HIVEP3: variants seen among roughly 807,000 people sequenced by gnomAD.
HIVEP3 encodes the protein HIVEP zinc finger 3, also known as transcription factor HIVEP3.
HIVEP3 carries 49 observed loss-of-function variants against 152.8 expected under a neutral mutation model. That is an observed-to-expected ratio of 0.32 (90% CI 0.26 to 0.41). HIVEP3 has a LOEUF of 0.41. Among genes scored for constraint, HIVEP3 ranks in the 10% least tolerant of loss-of-function variants. The pLI, the probability that HIVEP3 is intolerant of heterozygous loss-of-function variation, is 1.00. For missense variants in HIVEP3, 2,790 were observed against 3,103.3 expected, an observed-to-expected ratio of 0.90 and a Z score of 2.40; for synonymous variants, 1,269 against 1,289.0, an observed-to-expected ratio of 0.98 and a Z score of 0.33.
intron 1 of HIVEP3, among the ~76,000 whole-genome samples, chr1:41,884,076 G>T (rs767186394): frequency 1.5e-4 from 23 of 152,010 alleles, no homozygotes; most frequent in Non-Finnish European, 4.4e-5. Flanking sequence ...GGTGATTCTC[G>T]TGCCTCAGCC....
intron 1 of HIVEP3, among the ~76,000 whole-genome samples, chr1:41,768,489 T>G (rs1274845537): frequency 6.6e-6 from 1 of 152,248 alleles, no homozygotes; most frequent in Non-Finnish European, 1.5e-5. Flanking sequence ...GGTAAGCTTC[T>G]TTTGGAGACC....
chr1:42,022,498 T>G (rs1484764277), intron 1 of HIVEP3, among the ~76,000 whole-genome samples: 1 of 152,196 alleles, frequency 6.6e-6, no homozygotes, highest in African/African-American at 2.4e-5. Context: ...ATAGCATTAT[T>G]TAAATGGTCC....
intron 5 of HIVEP3, among the ~76,000 whole-genome samples, chr1:41,537,413 G>T (rs1306500653): frequency 6.6e-6 from 1 of 152,196 alleles, no homozygotes; most frequent in Admixed American, 6.5e-5. Flanking sequence ...TGCACACACT[G>T]TTGCTCTGAG....
intron 1 of HIVEP3, among the ~76,000 whole-genome samples, chr1:41,834,190 T>C (rs1006586130): frequency 6.6e-6 from 1 of 152,184 alleles, no homozygotes; most frequent in Admixed American, 6.5e-5. Context: ...TATGAAGTCT[T>C]TGGGGACAGG....
chr1:41,677,762 C>A (rs144411717), intron 2 of HIVEP3, among the ~76,000 whole-genome samples: 1 of 152,226 alleles, frequency 6.6e-6, no homozygotes, highest in Non-Finnish European at 1.5e-5. Context: ...TTGGCTGATG[C>A]GTCTGCTTCC....
chr1:41,785,054 G>A (rs766764352), intron 1 of HIVEP3, among the ~76,000 whole-genome samples: 3 of 152,116 alleles, frequency 2.0e-5, no homozygotes, highest in Non-Finnish European at 2.9e-5. Context: ...CACAAGTCAC[G>A]GAAAATCTTC....
At chr1:41,801,823 A>T (rs1650325846) in intron 1 of HIVEP3, among the ~76,000 whole-genome samples, 1 of 152,188 alleles carries the variant, frequency 6.6e-6, no homozygotes, top group Non-Finnish European at 1.5e-5. Context: ...CACTGATGAG[A>T]GGAAATAATC....
chr1:41,545,785 C>CCACCACCAT (rs1346640457), intron 5 of HIVEP3, among the ~76,000 whole-genome samples: 1 of 146,406 alleles, frequency 6.8e-6, no homozygotes, highest in Non-Finnish European at 1.5e-5. Flanking sequence ...ACCACCACCA[C>CCACCACCAT]CACCACCATC....
At chr1:41,946,547 T>C (rs1032393396) in intron 1 of HIVEP3, among the ~76,000 whole-genome samples, 39 of 152,256 alleles carry the variant, frequency 2.6e-4, no homozygotes, top group African/African-American at 8.9e-4. Context: ...TTTCACATGC[T>C]TTTCTAATTA....
chr1:41,993,898 G>A (rs2124519071), intron 1 of HIVEP3, among the ~76,000 whole-genome samples: 1 of 151,034 alleles, frequency 6.6e-6, no homozygotes, highest in East Asian at 2.0e-4. Flanking sequence ...ACTATTGCAA[G>A]AACAAAAAAC....
intron 1 of HIVEP3, among the ~76,000 whole-genome samples, chr1:41,788,963 G>T (rs75676011): frequency 3.3e-5 from 5 of 152,154 alleles, no homozygotes; most frequent in Non-Finnish European, 7.3e-5. Flanking sequence ...TCCATGGAAC[G>T]TGAGAGCGAA....
intron 1 of HIVEP3, among the ~76,000 whole-genome samples, chr1:41,982,528 T>C (rs1454840532): frequency 6.6e-6 from 1 of 152,158 alleles, no homozygotes; most frequent in African/African-American, 2.4e-5. Context: ...CTTTCAGTTT[T>C]ATCTTGTATG....
At chr1:41,632,985 G>A (rs577157653) in intron 2 of HIVEP3, among the ~76,000 whole-genome samples, 2 of 152,148 alleles carry the variant, frequency 1.3e-5, no homozygotes, top group South Asian at 4.2e-4. Context: ...CTGCAGCCAG[G>A]GTGAGGGGTG....
In HIVEP3 at chr1:41,544,817, CTCT is replaced by C. The variant is rs778047186; in HGVS notation, c.5208-19910_5208-19908del. Reference sequence around the variant, plus strand: ...CTACCATCACCACCACCACTACCACCTCTACCACCACCATCACCACCACCACTA... The same window carrying C: ...CTACCATCACCACCACCACTACCACCACCACCACCATCACCACCACCACTA... On this transcript the variant is annotated intron_variant, in intron 5 of 8. Transcript: ENST00000372583. 2.9e-3 allele frequency among the ~76,000 whole-genome samples: 340 copies of C among 117,778 alleles called. 2 individuals are homozygous for C. The highest frequency in any genetic ancestry group is 5.0e-3 in the Middle Eastern group (1 of 200). The allele number at this position is 117,778 out of a possible 152,430, so 77.3% of individuals were successfully genotyped here.
In HIVEP3 at chr1:41,695,863, A is replaced by G. The variant is rs538938367; in HGVS notation, c.-721+5053T>C. 3.3e-5 allele frequency among the ~76,000 whole-genome samples: 5 copies of G among 152,374 alleles called. No homozygotes were observed. In the East Asian group the frequency reaches 7.7e-4, roughly 24 times the overall value. On this transcript the variant is annotated intron_variant, in intron 2 of 8. Coordinates refer to ENST00000372583, the MANE Select transcript of HIVEP3 (RefSeq NM_024503.5). ...AAATAATCCCAACGTAAGGAATCAC[A>G]GCAGATGGCTATGGGCCTGGATGAG... is the stretch of plus-strand genomic sequence containing the variant.
chr1:42,003,211 G>A (rs1290464518), intron 1 of HIVEP3, among the ~76,000 whole-genome samples: 1 of 151,934 alleles, frequency 6.6e-6, no homozygotes, highest in Non-Finnish European at 1.5e-5. Context: ...TGAGTAGCTG[G>A]GAATGCAGGT....
intron 1 of HIVEP3, among the ~76,000 whole-genome samples, chr1:41,755,165 C>T (rs1647255168): frequency 6.6e-6 from 1 of 152,006 alleles, no homozygotes; most frequent in African/African-American, 2.4e-5. Context: ...TACAGCCAAC[C>T]GAGTTTGGAC....
intron 5 of HIVEP3, among the ~76,000 whole-genome samples, chr1:41,548,140 T>A (rs1643849329): frequency 6.6e-6 from 1 of 152,172 alleles, no homozygotes; most frequent in African/African-American, 2.4e-5. Flanking sequence ...ATCAATGGCC[T>A]CATGTGCAAA....
intron 1 of HIVEP3, among the ~76,000 whole-genome samples, chr1:41,973,747 A>T (rs531459040): frequency 4.6e-5 from 7 of 152,228 alleles, no homozygotes; most frequent in Non-Finnish European, 8.8e-5. Flanking sequence ...TCGGAAGAAG[A>T]GGAAACAGCA....
Sources: allele counts gnomAD v4.1 joint callset (sites outside exome capture counted in the v4.1 genomes callset), GRCh38; gene constraint gnomAD v4.1.1; transcripts MANE v1.5; gene names NCBI Gene and HGNC (gene_info 2026-07-23, HGNC 2026-07-21).